UBE2E2: variants seen among roughly 807,000 people sequenced by gnomAD.
The protein encoded by UBE2E2 is ubiquitin conjugating enzyme E2 E2.
Under a neutral mutation model 24.7 loss-of-function variants are expected in UBE2E2, and 6 were observed. The observed-to-expected ratio is 0.24, with a 90% CI of 0.13 to 0.48. The LOEUF is 0.48. Ranked by LOEUF, UBE2E2 falls within the 20% of genes least tolerant of loss-of-function variation. UBE2E2 has a pLI of 0.99. For missense variants in UBE2E2, 169 were observed against 245.0 expected, an observed-to-expected ratio of 0.69 and a Z score of 2.07; for synonymous variants, 104 against 83.6, an observed-to-expected ratio of 1.24 and a Z score of -1.33.
At chr3:23,220,652 T>A (rs1278444847) in intron 3 of UBE2E2, among the ~76,000 whole-genome samples, 1 of 152,208 alleles carries the variant, frequency 6.6e-6, no homozygotes, top group Non-Finnish European at 1.5e-5. Flanking sequence ...GATCAATAAA[T>A]GTTTTCATAC....
chr3:23,562,964 A>T (rs566658374), intron 5 of UBE2E2, among the ~76,000 whole-genome samples: 58 of 151,230 alleles, frequency 3.8e-4, no homozygotes, highest in African/African-American at 1.4e-3. Flanking sequence ...CTCTCTTTTC[A>T]TCTTTATTAG....
intron 3 of UBE2E2, among the ~76,000 whole-genome samples, chr3:23,421,888 A>G (rs576607642): frequency 4.6e-5 from 7 of 152,358 alleles, no homozygotes; most frequent in African/African-American, 1.4e-4. Flanking sequence ...AGTCTTCACT[A>G]TTCGGGTGAT....
chr3:23,361,211 C>T (rs1227523960), intron 3 of UBE2E2, among the ~76,000 whole-genome samples: 1 of 152,020 alleles, frequency 6.6e-6, no homozygotes, highest in Non-Finnish European at 1.5e-5. Context: ...AAAAGGGAGT[C>T]CTTTTATACT....
chr3:23,364,167 A>G (rs918586459), intron 3 of UBE2E2, among the ~76,000 whole-genome samples: 3 of 152,046 alleles, frequency 2.0e-5, no homozygotes, highest in Non-Finnish European at 4.4e-5. Context: ...CGGACTAAAA[A>G]GTTAAAAGTT....
chr3:23,533,650 G>A (rs1160392166), intron 5 of UBE2E2, among the ~76,000 whole-genome samples: 1 of 113,130 alleles, frequency 8.8e-6, no homozygotes, highest in African/African-American at 3.7e-5. Context: ...TTGAAACTGA[G>A]TCTCACTGTG....
intron 3 of UBE2E2, among the ~76,000 whole-genome samples, chr3:23,294,011 G>T (rs573558787): frequency 4.8e-4 from 73 of 152,268 alleles, no homozygotes; most frequent in Non-Finnish European, 6.5e-4. Context: ...CTTTTGAATT[G>T]AGAAATAGTT....
intron 3 of UBE2E2, among the ~76,000 whole-genome samples, chr3:23,472,344 G>A (rs1321174991): frequency 6.6e-6 from 1 of 152,162 alleles, no homozygotes; most frequent in Non-Finnish European, 1.5e-5. Context: ...AAAACAAATT[G>A]TAGAGACATC....
chr3:23,567,482 G>A (rs1188275373), intron 5 of UBE2E2, among the ~76,000 whole-genome samples: 6 of 152,198 alleles, frequency 3.9e-5, no homozygotes, highest in Non-Finnish European at 7.3e-5. Context: ...GGGACTGAAA[G>A]AAGGTCATGG....
intron 3 of UBE2E2, among the ~76,000 whole-genome samples, chr3:23,384,379 G>C (rs1227174795): frequency 1.3e-5 from 2 of 151,672 alleles, no homozygotes; most frequent in Non-Finnish European, 2.9e-5. Context: ...TCCCAGGCTG[G>C]TCTCCAACTC....
intron 3 of UBE2E2, among the ~76,000 whole-genome samples, chr3:23,269,124 G>A (rs187685969): frequency 0.38 from 57,864 of 151,010 alleles, 11,762 homozygotes; most frequent in African/African-American, 0.52. Context: ...AGGCATTACT[G>A]TTCAGGACAT....
intron 3 of UBE2E2, among the ~76,000 whole-genome samples, chr3:23,456,728 T>A (rs1056665137): frequency 5.3e-5 from 8 of 152,204 alleles, no homozygotes; most frequent in African/African-American, 1.9e-4. Context: ...ATAGCGTAGG[T>A]AAAGTTGATT....
At chr3:23,355,288 G>C (rs1695910057) in intron 3 of UBE2E2, among the ~76,000 whole-genome samples, 2 of 151,882 alleles carry the variant, frequency 1.3e-5, no homozygotes, top group Non-Finnish European at 2.9e-5. Flanking sequence ...TACATGACGA[G>C]TTAATGGGTG....
At chr3:23,227,400 T>A (rs1488944573) in intron 3 of UBE2E2, among the ~76,000 whole-genome samples, 1 of 152,230 alleles carries the variant, frequency 6.6e-6, no homozygotes, top group Non-Finnish European at 1.5e-5. Context: ...TTGGTAAACG[T>A]ACAATGTGAA....
At chr3:23,409,574 T>C (rs1348849634) in intron 3 of UBE2E2, among the ~76,000 whole-genome samples, 1 of 152,218 alleles carries the variant, frequency 6.6e-6, no homozygotes. Flanking sequence ...TAATTACTTC[T>C]GTATTTTGCA....
At chr3:23,284,474 G>A (rs1366731803) in intron 3 of UBE2E2, among the ~76,000 whole-genome samples, 2 of 151,994 alleles carry the variant, frequency 1.3e-5, no homozygotes, top group African/African-American at 4.8e-5. Flanking sequence ...ACTCCCCAAG[G>A]CAACTTGGAA....
intron 3 of UBE2E2, among the ~76,000 whole-genome samples, chr3:23,457,936 A>G (rs1339830826): frequency 6.6e-6 from 1 of 150,398 alleles, no homozygotes; most frequent in Non-Finnish European, 1.5e-5. Flanking sequence ...TATTCAGACC[A>G]CTAAAACTTT....
intron 3 of UBE2E2, among the ~76,000 whole-genome samples, chr3:23,479,901 C>T (rs941714002): frequency 5.3e-5 from 8 of 152,134 alleles, no homozygotes; most frequent in East Asian, 3.9e-4. Flanking sequence ...TGGGCTGTCA[C>T]GGGTGGGCCT....
At chr3:23,484,291 G>A (rs896008315) in intron 3 of UBE2E2, among the ~76,000 whole-genome samples, 2 of 152,172 alleles carry the variant, frequency 1.3e-5, no homozygotes, top group Non-Finnish European at 1.5e-5. Context: ...TGGAGGAGAT[G>A]TAGTTCATGT....
intron 3 of UBE2E2, among the ~76,000 whole-genome samples, chr3:23,303,072 C>T (rs1487674314): frequency 6.6e-6 from 1 of 152,174 alleles, no homozygotes; most frequent in African/African-American, 2.4e-5. Flanking sequence ...TGCCTCCCGT[C>T]AGATCAGCGA....
Sources: allele counts gnomAD v4.1 joint callset (sites outside exome capture counted in the v4.1 genomes callset), GRCh38; gene constraint gnomAD v4.1.1; transcripts MANE v1.5; gene names NCBI Gene and HGNC (gene_info 2026-07-23, HGNC 2026-07-21).